Variants in ATG2B observed in about 807,000 individuals in gnomAD.
ATG2B encodes autophagy-related protein 2 homolog B.
A neutral mutation model predicts 241.3 loss-of-function variants in ATG2B; 121 were observed. That is an observed-to-expected ratio of 0.50 (90% CI 0.43 to 0.58). ATG2B has a LOEUF of 0.58. Ranked by LOEUF, ATG2B falls within the 20% of genes least tolerant of loss-of-function variation. The pLI is 0.00. For synonymous variants in ATG2B, 858 were observed against 876.6 expected (o/e 0.98, Z 0.37); for missense variants, 2,306 against 2,491.6 (o/e 0.93, Z 1.59).
chr14:96,345,531 A>C, intron 2 of ATG2B, 146 bp from the exon 3 acceptor site: 2 of 553,728 alleles, frequency 3.6e-6, no homozygotes, highest in Non-Finnish European at 2.9e-6. Context: ...ACAATATTCT[A>C]GAAAGTACTC....
chr14:96,353,784 T>C (rs973521698), intron 1 of ATG2B, among the ~76,000 whole-genome samples: 4 of 151,840 alleles, frequency 2.6e-5, no homozygotes, highest in African/African-American at 9.7e-5. Context: ...TGTAGAGAAA[T>C]GGCAGCATGA....
intron 41 of ATG2B, among the ~76,000 whole-genome samples, chr14:96,288,265 C>T (rs935516864): frequency 6.6e-6 from 1 of 152,172 alleles, no homozygotes; most frequent in Non-Finnish European, 1.5e-5. Context: ...GAAATATCGC[C>T]TATCTCTAAT....
chr14:96,315,451 C>T lies in ATG2B; in HGVS notation c.3494G>A (p.Gly1165Glu). The T allele has an allele frequency of 1.2e-6, 2 of 1,614,120 alleles. No homozygotes were observed. Among genetic ancestry groups the T allele is most frequent in the Non-Finnish European group, 1.7e-6 (2 of 1,179,962 alleles). Reference sequence around the variant, plus strand: ...AACAGACAGCATATTCAAACTGTCTCCTCCAACTCCATCTGAAGAAGTTTT... The same window carrying T: ...AACAGACAGCATATTCAAACTGTCTTCTCCAACTCCATCTGAAGAAGTTTT... Reference protein sequence around the residue: ...LSKTSSDGVGGDSLNMLSVAV... With the variant: ...LSKTSSDGVGEDSLNMLSVAV... The change falls in exon 22 of 42, where the codon GGA becomes GAA. Residue 1165 changes from glycine to glutamate, a missense_variant. By Grantham distance (98) the Gly-to-Glu change is moderately conservative. This residue lies in a region of ATG2B where 1,927 missense variants were observed against 2,011.2 expected (regional missense o/e 0.96). Transcript: ENST00000359933.
At chr14:96,317,008 G>T (rs1365752448) in intron 20 of ATG2B, 137 bp downstream of exon 20, 2 of 836,382 alleles carry the variant, frequency 2.4e-6, no homozygotes, top group Non-Finnish European at 3.7e-6. Flanking sequence ...ATCATGGTTT[G>T]CCCCAGGACA....
chr14:96,352,673 T>C (rs1052942621), intron 1 of ATG2B, among the ~76,000 whole-genome samples: 1 of 152,020 alleles, frequency 6.6e-6, no homozygotes, highest in Admixed American at 6.5e-5. Flanking sequence ...AAAGAAAAAG[T>C]ATTTTTGCAT....
intron 6 of ATG2B, among the ~76,000 whole-genome samples, chr14:96,340,897 G>C (rs1401651516): frequency 7.1e-6 from 1 of 139,966 alleles, no homozygotes; most frequent in Non-Finnish European, 1.5e-5. Flanking sequence ...CTGCACCCCT[G>C]CCTGGGCAAC....
chr14:96,317,027 C>T lies in ATG2B; in HGVS notation c.3210+118G>A, dbSNP rs1355026770. On this transcript the variant is annotated intron_variant, in intron 20 of 41. Transcript: ENST00000359933. ...TGGTTTGCCCCAGGACACTGGTCTTCATCAGTCCCTGAAACAACTTCAAAA... is the reference window on the plus strand; with the variant it reads ...TGGTTTGCCCCAGGACACTGGTCTTTATCAGTCCCTGAAACAACTTCAAAA... 6.9e-6 allele frequency: 7 copies of T among 1,009,234 alleles called. No individual in the cohort carries two copies. The Admixed American group carries it at 1.7e-4, about 25-fold the overall frequency. 62.5% of individuals were successfully genotyped at this position (1,009,234 alleles called of 1,614,324 possible). A position where few individuals can be genotyped will look rare whatever the true frequency, so the allele number is the denominator to read the frequency against.
At chr14:96,315,612 T>C in intron 21 of ATG2B, 29 bp from the exon 22 acceptor site, 1 of 1,554,072 alleles carries the variant, frequency 6.4e-7, no homozygotes, top group Non-Finnish European at 8.8e-7. Flanking sequence ...GTAAAAATAG[T>C]AACAAAATGA....
chr14:96,326,507 T>C (rs1433394923), intron 14 of ATG2B, among the ~76,000 whole-genome samples: 2 of 152,158 alleles, frequency 1.3e-5, no homozygotes, highest in Non-Finnish European at 2.9e-5. Context: ...AATGGTTCTA[T>C]GAGACCAAGA....
intron 29 of ATG2B, among the ~76,000 whole-genome samples, chr14:96,307,510 C>T (rs1306886422): frequency 2.6e-5 from 4 of 152,054 alleles, no homozygotes; most frequent in African/African-American, 2.4e-5. Flanking sequence ...AGTTAGTTGG[C>T]GTTGGGGAAG....
At position 96,308,266 on chromosome 14, in the gene ATG2B, A is replaced by ATATATG. The variant is rs1566719871; in HGVS notation, c.4303+1186_4303+1187insCATATA. On this transcript the variant is annotated intron_variant, in intron 29 of 41. Transcript: ENST00000359933. ...TATATATATATACACACATATATAT[A>ATATATG]TATATATATATATATATTTTTTTTT... Among the ~76,000 whole-genome samples, 90 of 15,544 alleles carry ATATATG rather than the reference A, an allele frequency of 5.8e-3. 1 individual carries two copies. The highest frequency in any genetic ancestry group is 8.9e-3 in the Non-Finnish European group (68 of 7,604). 10.2% of individuals were successfully genotyped at this position (15,544 alleles called of 152,430 possible). A position where few individuals can be genotyped will look rare whatever the true frequency, so the allele number is the denominator to read the frequency against.
intron 16 of ATG2B, 80 bp downstream of exon 16, chr14:96,323,816 A>T: frequency 1.1e-6 from 1 of 931,054 alleles, no homozygotes; most frequent in Non-Finnish European, 1.7e-6. Context: ...GCTTATATTT[A>T]ATAGACAAAA....
At chr14:96,296,899 G>A (rs533993422) in intron 34 of ATG2B, among the ~76,000 whole-genome samples, 1 of 152,134 alleles carries the variant, frequency 6.6e-6, no homozygotes, top group African/African-American at 2.4e-5. Context: ...TCTGTCTACT[G>A]ATCACATATC....
intron 14 of ATG2B, 138 bp downstream of exon 14, chr14:96,328,209 C>CT: frequency 1.7e-6 from 1 of 586,614 alleles, no homozygotes; most frequent in Non-Finnish European, 2.7e-6. Flanking sequence ...AAGATGTCTC[C>CT]TTTTTTTATT....
At position 96,285,018 on chromosome 14, in the gene ATG2B, A is replaced by G. The variant is rs1043235764; in HGVS notation, c.*737T>C. Reference sequence around the variant, plus strand: ...TCCTGTACTCTTAAAGGAAGCTATTACATTGAAGTTACCTTCCTTTGCCAA... The same window carrying G: ...TCCTGTACTCTTAAAGGAAGCTATTGCATTGAAGTTACCTTCCTTTGCCAA... On this transcript the variant is annotated 3_prime_UTR_variant, in exon 42 of 42. Coordinates refer to ENST00000359933, the MANE Select transcript of ATG2B (RefSeq NM_018036.7). This position sits in a 1 kb window ranked among gnomAD's most constrained non-coding sequence, Gnocchi z 4.2. 19 of 152,266 alleles carry G rather than the reference A, an allele frequency of 1.2e-4. No individual in the cohort carries two copies. The highest frequency in any genetic ancestry group is 4.3e-4 in the African/African-American group (18 of 41,476). 9.4% of individuals were successfully genotyped at this position (152,266 alleles called of 1,614,324 possible). A position where few individuals can be genotyped will look rare whatever the true frequency, so the allele number is the denominator to read the frequency against.
chr14:96,321,862 T>C (rs1887464870), intron 18 of ATG2B, among the ~76,000 whole-genome samples: 1 of 152,132 alleles, frequency 6.6e-6, no homozygotes, highest in South Asian at 2.1e-4. Flanking sequence ...TGCAGTAAGC[T>C]GACAGAGGGC....
At position 96,325,843 on chromosome 14, in the gene ATG2B, G is replaced by A. The variant is rs748646507; in HGVS notation, c.2243C>T (p.Pro748Leu). The A allele has an allele frequency of 2.0e-5, 32 of 1,613,828 alleles. No individual in the cohort carries two copies. The highest frequency in any genetic ancestry group is 2.5e-5 in the Non-Finnish European group (30 of 1,179,970). Residue 748 changes from proline (P) to leucine (L), a missense_variant, in exon 15 of 42, where the codon CCA becomes CTA. Physicochemically the swap from Pro to Leu is moderately conservative, Grantham distance 98. This residue lies in a region of ATG2B where 1,927 missense variants were observed against 2,011.2 expected (regional missense o/e 0.96). Coordinates refer to ENST00000359933, the MANE Select transcript of ATG2B (RefSeq NM_018036.7). Reference sequence around the variant, plus strand: ...GAAGCGAACAGAAAGGTTTAATGCTGGTGTGGCAACTTGTACTGATATCCG... The same window carrying A: ...GAAGCGAACAGAAAGGTTTAATGCTAGTGTGGCAACTTGTACTGATATCCG... ...NCRISVQVAT[P>L]ALNLSVRFPI...
intron 34 of ATG2B, 131 bp downstream of exon 34, chr14:96,301,876 C>T (rs573375206): frequency 1.5e-6 from 1 of 665,964 alleles, no homozygotes; most frequent in South Asian, 2.0e-5. Context: ...TTGCCCTATT[C>T]TTTATCAGAA....
At chr14:96,295,895 C>T (rs1886626463) in intron 34 of ATG2B, among the ~76,000 whole-genome samples, 1 of 152,202 alleles carries the variant, frequency 6.6e-6, no homozygotes, top group Non-Finnish European at 1.5e-5. Context: ...AAATGGAGCA[C>T]TCTCACTCTT....
Sources: gnomAD v4.1 joint callset for allele counts (sites outside exome capture counted in the v4.1 genomes callset) on GRCh38, gnomAD v4.1.1 for gene constraint, gnomAD v4.1.1 regional missense constraint, Gnocchi (gnomAD v3.1) non-coding constraint, MANE v1.5 for transcripts, NCBI Gene and HGNC (gene_info 2026-07-23, HGNC 2026-07-21) for gene names.